BACH2: variants seen among roughly 807,000 people sequenced by gnomAD.
BACH2 encodes the protein transcription regulator protein BACH2.
A neutral mutation model predicts 61.8 loss-of-function variants in BACH2; 5 were observed. The observed-to-expected ratio is 0.08, with a 90% confidence interval of 0.04 to 0.17. BACH2 has a LOEUF of 0.17. Ranked by LOEUF, BACH2 falls within the 10% of genes least tolerant of loss-of-function variation. BACH2 has a pLI of 1.00. For synonymous variants in BACH2, 446 were observed against 440.1 expected (o/e 1.01, Z -0.17); for missense variants, 824 against 1,091.1 (o/e 0.76, Z 3.45).
At chr6:90,222,788 C>T (rs577590964) in intron 3 of BACH2, among the ~76,000 whole-genome samples, 34 of 152,142 alleles carry the variant, frequency 2.2e-4, no homozygotes, top group Non-Finnish European at 4.4e-4. Flanking sequence ...TAGCCTCTAT[C>T]ATCTGCTCTT....
intron 4 of BACH2, among the ~76,000 whole-genome samples, chr6:90,153,773 C>T (rs1784902382): frequency 6.6e-6 from 1 of 152,180 alleles, no homozygotes; most frequent in Non-Finnish European, 1.5e-5. Context: ...ATAAAACACT[C>T]CTTCTATGTT....
intron 1 of BACH2, among the ~76,000 whole-genome samples, chr6:90,287,704 A>G (rs1416400411): frequency 6.6e-6 from 1 of 152,156 alleles, no homozygotes; most frequent in Non-Finnish European, 1.5e-5. Context: ...CCCTCTCTCC[A>G]TTCAGAAATG....
intron 7 of BACH2, among the ~76,000 whole-genome samples, chr6:89,946,949 G>C (rs907223751): frequency 2.6e-5 from 4 of 152,214 alleles, no homozygotes; most frequent in Non-Finnish European, 4.4e-5. Context: ...ACTGTGAGAT[G>C]GAAGGGCTGC....
At position 89,994,899 on chromosome 6, in the gene BACH2, G is replaced by C. The variant is rs112393119; in HGVS notation, c.243+13703C>G. 2.8e-3 allele frequency among the ~76,000 whole-genome samples: 429 copies of C among 152,238 alleles called. 7 individuals carry two copies. The highest frequency in any genetic ancestry group is 9.8e-3 in the African/African-American group (408 of 41,542). ...CTGTTGATATTTTTACTTTGCACAC[G>C]TTCTCATGGCTCTTCGTATGTACAC... On this transcript the variant is annotated intron_variant, in intron 6 of 8. Coordinates refer to ENST00000257749, the MANE Select transcript of BACH2 (RefSeq NM_021813.4).
intron 4 of BACH2, among the ~76,000 whole-genome samples, chr6:90,118,504 G>C (rs1437177073): frequency 6.6e-6 from 1 of 152,178 alleles, no homozygotes; most frequent in Non-Finnish European, 1.5e-5. Context: ...CTCTCAGCTG[G>C]TAAGAGTTTT....
At chr6:90,191,110 C>T (rs928252430) in intron 4 of BACH2, among the ~76,000 whole-genome samples, 23 of 152,202 alleles carry the variant, frequency 1.5e-4, no homozygotes, top group African/African-American at 4.1e-4. Context: ...CAGGCCCATC[C>T]GTGACTTAAG....
At chr6:90,185,639 A>G (rs980224210) in intron 4 of BACH2, among the ~76,000 whole-genome samples, 3 of 152,214 alleles carry the variant, frequency 2.0e-5, no homozygotes, top group Non-Finnish European at 1.5e-5. Flanking sequence ...ACTTAAATTA[A>G]GAAGAAAATT....
At position 90,109,651 on chromosome 6, in the gene BACH2, G is replaced by A. The variant is rs571258412; in HGVS notation, c.-161-20542C>T. Among the ~76,000 whole-genome samples the A allele has an allele frequency of 6.2e-4, 94 of 152,116 alleles. 1 individual carries two copies. In the South Asian group the frequency reaches 0.018, roughly 30 times the overall value. ...TAACATGGCCAAAAAAACAATTATT[G>A]TTTCCATCCTCCCTCCAAACCTGCT... On this transcript the variant is annotated intron_variant, in intron 4 of 8. Coordinates refer to ENST00000257749, the MANE Select transcript of BACH2 (RefSeq NM_021813.4).
intron 6 of BACH2, among the ~76,000 whole-genome samples, chr6:89,956,874 T>A (rs577045963): frequency 4.6e-5 from 7 of 152,322 alleles, no homozygotes; most frequent in Admixed American, 6.5e-5. Flanking sequence ...ATTGAGCCCA[T>A]CTGCAGAAGG....
chr6:89,951,451 T>A lies in BACH2; in HGVS notation c.655A>T (p.Ser219Cys). ...TGCGTTAACGCGTCCTTTTCTGAGCTCTCCTTGGTGTCTGTGGGCACGTCA... is the reference window on the plus strand; with the variant it reads ...TGCGTTAACGCGTCCTTTTCTGAGCACTCCTTGGTGTCTGTGGGCACGTCA... ...EPDVPTDTKE[S>C]SEKDALTQYP... Residue 219 changes from serine to cysteine, a missense_variant, in exon 7 of 9, where the codon AGC becomes TGC. Physicochemically the swap from Ser to Cys is moderately radical, Grantham distance 112 (BLOSUM62 -1). Around this residue, in one of 8 missense-constraint regions of BACH2, gnomAD observed 19 missense variants for 44.2 expected, o/e 0.43. Coordinates refer to ENST00000257749, the MANE Select transcript of BACH2 (RefSeq NM_021813.4). The surrounding 1 kb of genome is among the most constrained non-coding windows in gnomAD (Gnocchi z 6.4). 1 of 1,614,160 alleles carries A rather than the reference T, an allele frequency of 6.2e-7. No individual in the cohort carries two copies. The highest frequency in any genetic ancestry group is 8.5e-7 in the Non-Finnish European group (1 of 1,180,036).
intron 6 of BACH2, among the ~76,000 whole-genome samples, chr6:89,954,126 G>A (rs1423355034): frequency 6.6e-6 from 1 of 152,042 alleles, no homozygotes; most frequent in Non-Finnish European, 1.5e-5. Context: ...AAGAAATGGT[G>A]AAATCAATGC....
chr6:90,117,496 A>C lies in BACH2; in HGVS notation c.-161-28387T>G, dbSNP rs1303834238. Among the ~76,000 whole-genome samples the C allele has an allele frequency of 4.2e-5, 6 of 142,938 alleles. No homozygotes were observed. In the East Asian group the frequency reaches 1.2e-3, roughly 29 times the overall value. The allele number at this position is 142,938 out of a possible 152,430, so 93.8% of individuals were successfully genotyped here. On this transcript the variant is annotated intron_variant, in intron 4 of 8. Transcript: ENST00000257749. ...TTTTTTTGTAATTCTATAGCATCCT[A>C]TACTTCTGCAATCACAGCATTTGTC...
At chr6:90,253,824 A>C (rs1770889641) in intron 2 of BACH2, among the ~76,000 whole-genome samples, 1 of 152,348 alleles carries the variant, frequency 6.6e-6, no homozygotes, top group Admixed American at 6.5e-5. Context: ...GGCCTTAGTC[A>C]TAATAAAAAA....
At chr6:89,970,378 A>G (rs1775291760) in intron 6 of BACH2, among the ~76,000 whole-genome samples, 1 of 152,198 alleles carries the variant, frequency 6.6e-6, no homozygotes, top group Non-Finnish European at 1.5e-5. Flanking sequence ...ATATTAGAAC[A>G]CTTTATCTAG....
chr6:90,180,156 CAA>C (rs1227877192), intron 4 of BACH2, among the ~76,000 whole-genome samples: 1 of 151,698 alleles, frequency 6.6e-6, no homozygotes, highest in African/African-American at 2.4e-5. Context: ...TTTCAAGAAA[CAA>C]TATATGAAAA....
At chr6:90,066,206 G>A (rs1474888737) in intron 5 of BACH2, among the ~76,000 whole-genome samples, 1 of 152,170 alleles carries the variant, frequency 6.6e-6, no homozygotes. Flanking sequence ...GTGGAGAGGA[G>A]AAAGAGCATC....
chr6:89,967,820 C>T (rs1011287831), intron 6 of BACH2, among the ~76,000 whole-genome samples: 1 of 152,196 alleles, frequency 6.6e-6, no homozygotes, highest in South Asian at 2.1e-4. Context: ...TGCCATCTCT[C>T]CTCTCTCCTG....
chr6:90,211,924 C>A (rs994430484), intron 3 of BACH2, among the ~76,000 whole-genome samples: 1 of 152,186 alleles, frequency 6.6e-6, no homozygotes, highest in South Asian at 2.1e-4. Context: ...TTCCCACCAC[C>A]ACGCCCAGCA....
chr6:90,069,674 T>A (rs1781131642), intron 5 of BACH2, among the ~76,000 whole-genome samples: 1 of 152,234 alleles, frequency 6.6e-6, no homozygotes. Flanking sequence ...CATAACATCT[T>A]GTTTTGAACA....
Sources: gnomAD v4.1 joint callset for allele counts (sites outside exome capture counted in the v4.1 genomes callset) on GRCh38, gnomAD v4.1.1 for gene constraint, gnomAD v4.1.1 regional missense constraint, Gnocchi (gnomAD v3.1) non-coding constraint, MANE v1.5 for transcripts, NCBI Gene and HGNC (gene_info 2026-07-23, HGNC 2026-07-21) for gene names.